Variants in ZFPM2 observed in about 807,000 individuals in gnomAD.
ZFPM2 encodes zinc finger protein ZFPM2.
A neutral mutation model predicts 98.6 loss-of-function variants in ZFPM2; 20 were observed. The observed-to-expected ratio is 0.20, with a 90% confidence interval of 0.14 to 0.29. The LOEUF is 0.29. ZFPM2 is among the 10% of genes least tolerant of loss of function. The pLI is 1.00. For missense variants in ZFPM2, 1,310 were observed against 1,388.6 expected, an observed-to-expected ratio of 0.94 and a Z score of 0.90; for synonymous variants, 518 against 502.7, an observed-to-expected ratio of 1.03 and a Z score of -0.41.
At chr8:105,591,834 G>A (rs1005836759) in intron 4 of ZFPM2, among the ~76,000 whole-genome samples, 3 of 152,068 alleles carry the variant, frequency 2.0e-5, no homozygotes, top group Admixed American at 6.6e-5. Flanking sequence ...ATAACAAGGA[G>A]ATGGCAAATT....
chr8:105,633,563 A>C (rs1178979633), intron 4 of ZFPM2, among the ~76,000 whole-genome samples: 2 of 152,222 alleles, frequency 1.3e-5, no homozygotes, highest in Admixed American at 1.3e-4. Flanking sequence ...CTTTGTTAGA[A>C]TTATAGCACT....
At position 105,562,357 on chromosome 8, in the gene ZFPM2, T is replaced by A. The variant is rs557849950; in HGVS notation, c.420+876T>A. 2.6e-3 allele frequency among the ~76,000 whole-genome samples: 367 copies of A among 143,350 alleles called. 1 individual carries two copies. The highest frequency in any genetic ancestry group is 0.01 in the African/African-American group (352 of 33,592). 94.0% of individuals were successfully genotyped at this position (143,350 alleles called of 152,430 possible). A position where few individuals can be genotyped will look rare whatever the true frequency, so the allele number is the denominator to read the frequency against. ...ATAAATAAATAAATAAATAAATAAA[T>A]GGAAAGGTAGGTAGTTTGGTTACAT... On this transcript the variant is annotated intron_variant, in intron 4 of 7. Transcript: ENST00000407775.
chr8:105,785,989 C>T (rs866533025), intron 5 of ZFPM2, among the ~76,000 whole-genome samples: 11 of 127,860 alleles, frequency 8.6e-5, no homozygotes, highest in Admixed American at 8.1e-4. Flanking sequence ...TTGCAGTGAG[C>T]GGAGATGGCG....
At position 105,801,144 on chromosome 8, in the gene ZFPM2, G is replaced by C; in HGVS notation, c.1062G>C (p.Leu354=). Residue 354 remains leucine (L), a synonymous_variant, in exon 8 of 8, where the codon CTG becomes CTC. Transcript: ENST00000407775. ...ADSVINFHQH[L]FSHLTQAAFR... Reference sequence around the variant, plus strand: ...CCGTGATCAACTTTCACCAACACCTGTTCTCCCATCTCACTCAAGCTGCCT... The same window carrying C: ...CCGTGATCAACTTTCACCAACACCTCTTCTCCCATCTCACTCAAGCTGCCT... 1 of 1,613,930 alleles carries C rather than the reference G, an allele frequency of 6.2e-7. No individual in the cohort carries two copies. Among genetic ancestry groups the C allele is most frequent in the Non-Finnish European group, 8.5e-7 (1 of 1,179,882 alleles).
chr8:105,379,478 G>A (rs1025854566), intron 1 of ZFPM2, among the ~76,000 whole-genome samples: 4 of 152,142 alleles, frequency 2.6e-5, no homozygotes, highest in African/African-American at 9.7e-5. Flanking sequence ...ATTGGTCCGG[G>A]CACGGTGGCT....
chr8:105,364,108 G>T (rs1334151001), intron 1 of ZFPM2, among the ~76,000 whole-genome samples: 2 of 151,920 alleles, frequency 1.3e-5, no homozygotes, highest in African/African-American at 4.8e-5. Flanking sequence ...ACACTAAATG[G>T]ATATTTTTAT....
At chr8:105,741,562 G>C (rs955076575) in intron 5 of ZFPM2, among the ~76,000 whole-genome samples, 18 of 152,080 alleles carry the variant, frequency 1.2e-4, no homozygotes, top group Admixed American at 2.0e-4. Flanking sequence ...TGTCAGGGCA[G>C]AGTAGATGGA....
At chr8:105,580,507 T>TG (rs1410857417) in intron 4 of ZFPM2, among the ~76,000 whole-genome samples, 4 of 152,074 alleles carry the variant, frequency 2.6e-5, no homozygotes, top group Non-Finnish European at 4.4e-5. Flanking sequence ...ACCTTGATGA[T>TG]GGAACCAGTT....
At chr8:105,497,736 G>A (rs568728934) in intron 3 of ZFPM2, among the ~76,000 whole-genome samples, 2 of 152,256 alleles carry the variant, frequency 1.3e-5, no homozygotes, top group Admixed American at 1.3e-4. Context: ...CAGAAGCTTA[G>A]TGGTCGATAG....
chr8:105,697,456 G>A (rs1196522140), intron 5 of ZFPM2, among the ~76,000 whole-genome samples: 1 of 152,120 alleles, frequency 6.6e-6, no homozygotes, highest in Non-Finnish European at 1.5e-5. Context: ...AAAGGATTGA[G>A]GACTGCTGTT....
chr8:105,715,484 T>C (rs1811503733), intron 5 of ZFPM2, among the ~76,000 whole-genome samples: 2 of 151,730 alleles, frequency 1.3e-5, no homozygotes, highest in Non-Finnish European at 2.9e-5. Context: ...ACTAATTTAC[T>C]ATATGGATTT....
In ZFPM2 at chr8:105,789,041, AT is replaced by A. The variant is rs1370690767; in HGVS notation, c.739+121del. Reference sequence around the variant, plus strand: ...CTTTTTCCTTCAGTGTTGTGGTTTCATTTTATCTTTTTTCTTTTTAAATATT... The same window carrying A: ...CTTTTTCCTTCAGTGTTGTGGTTTCATTTATCTTTTTTCTTTTTAAATATT... On this transcript the variant is annotated intron_variant, in intron 6 of 7. Transcript: ENST00000407775. The A allele has an allele frequency of 7.6e-6, 6 of 793,530 alleles. No homozygotes were observed. In the African/African-American group the frequency reaches 8.7e-5, roughly 12 times the overall value. 49.2% of individuals were successfully genotyped at this position (793,530 alleles called of 1,614,324 possible). A position where few individuals can be genotyped will look rare whatever the true frequency, so the allele number is the denominator to read the frequency against.
intron 5 of ZFPM2, among the ~76,000 whole-genome samples, chr8:105,774,212 C>T (rs1813045566): frequency 6.6e-6 from 1 of 152,126 alleles, no homozygotes; most frequent in Non-Finnish European, 1.5e-5. Flanking sequence ...GTGTGCCACT[C>T]CCACTGTTCC....
rs138778667 is a variant in ZFPM2, at chr8:105,762,237, G to T, written c.533-26481G>T. ...CTACTCAAGAATATATGTACTGATAGTATTAGTTCCAAGATGGTGCAAGGT... is the reference window on the plus strand; with the variant it reads ...CTACTCAAGAATATATGTACTGATATTATTAGTTCCAAGATGGTGCAAGGT... On this transcript the variant is annotated intron_variant, in intron 5 of 7. Transcript: ENST00000407775. Among the ~76,000 whole-genome samples the T allele has an allele frequency of 1.8e-4, 27 of 152,050 alleles. No homozygotes were observed. The East Asian group carries it at 5.2e-3, about 29-fold the overall frequency.
intron 5 of ZFPM2, among the ~76,000 whole-genome samples, chr8:105,683,362 C>G (rs866111981): frequency 1.3e-5 from 2 of 152,116 alleles, no homozygotes; most frequent in African/African-American, 2.4e-5. Flanking sequence ...CAGGAATTTG[C>G]TTTGCATTTA....
At chr8:105,613,165 G>A (rs890078132) in intron 4 of ZFPM2, among the ~76,000 whole-genome samples, 7 of 152,226 alleles carry the variant, frequency 4.6e-5, no homozygotes, top group Admixed American at 1.3e-4. Flanking sequence ...TTTAATTGGA[G>A]ATTTTAAGCC....
chr8:105,695,695 G>T (rs919918619), intron 5 of ZFPM2, among the ~76,000 whole-genome samples: 1 of 152,142 alleles, frequency 6.6e-6, no homozygotes, highest in Non-Finnish European at 1.5e-5. Context: ...AGATATTTTT[G>T]CAGGTTGGAG....
intron 2 of ZFPM2, among the ~76,000 whole-genome samples, chr8:105,437,562 C>T (rs1336272598): frequency 4.6e-5 from 7 of 152,266 alleles, no homozygotes; most frequent in South Asian, 4.1e-4. Flanking sequence ...AAGGAAAGGA[C>T]TTCACTCAGT....
chr8:105,674,197 C>A (rs371746895), intron 5 of ZFPM2, among the ~76,000 whole-genome samples: 1 of 152,140 alleles, frequency 6.6e-6, no homozygotes, highest in Admixed American at 6.5e-5. Flanking sequence ...ATAATGCAGA[C>A]GCTCTTTTAT....
Sources: allele counts gnomAD v4.1 joint callset (sites outside exome capture counted in the v4.1 genomes callset), GRCh38; gene constraint gnomAD v4.1.1; transcripts MANE v1.5; gene names NCBI Gene and HGNC (gene_info 2026-07-23, HGNC 2026-07-21).